LCORL: variants seen among roughly 807,000 people sequenced by gnomAD.
LCORL encodes ligand-dependent nuclear receptor corepressor-like protein.
LCORL carries 41 observed loss-of-function variants against 141.8 expected under a neutral mutation model. That is an observed-to-expected ratio of 0.29 (90% CI 0.23 to 0.38). LCORL has a LOEUF of 0.38. LCORL is among the 10% of genes least tolerant of loss of function. The pLI is 1.00. For synonymous variants in LCORL, 618 were observed against 694.1 expected (o/e 0.89, Z 1.72); for missense variants, 1,759 against 2,035.0 (o/e 0.86, Z 2.61).
chr4:17,906,196 T>C (rs1731586031), intron 5 of LCORL, among the ~76,000 whole-genome samples: 1 of 152,218 alleles, frequency 6.6e-6, no homozygotes, highest in East Asian at 1.9e-4. Flanking sequence ...GGTATGTGCT[T>C]CATTTTTCCT....
In LCORL at chr4:17,907,551, TA is replaced by T. The variant is rs758427146; in HGVS notation, c.682+1542del. ...GGAATATAAGGCATGGAAAAGCAAA[TA>T]AAAAAAATTCTAAAAATCCTCTATT... On this transcript the variant is annotated intron_variant, in intron 5 of 7. Coordinates refer to ENST00000635767, the Ensembl canonical transcript of LCORL. Among the ~76,000 whole-genome samples, 3 of 151,914 alleles carry T rather than the reference TA, an allele frequency of 2.0e-5. No homozygotes were observed. In the East Asian group the frequency reaches 5.8e-4, roughly 29 times the overall value.
intron 1 of LCORL, among the ~76,000 whole-genome samples, chr4:17,989,054 T>C (rs1280173466): frequency 6.6e-6 from 1 of 152,232 alleles, no homozygotes; most frequent in Admixed American, 6.5e-5. Flanking sequence ...GGCCAATTTA[T>C]ATCCAAAACA....
At chr4:17,849,231 A>C (rs535195121) in intron 7 of LCORL, among the ~76,000 whole-genome samples, 1 of 152,312 alleles carries the variant, frequency 6.6e-6, no homozygotes, top group East Asian at 1.9e-4. Flanking sequence ...CTGCCTCCTC[A>C]GGTGGGTCCC....
chr4:17,865,644 T>C (rs1725553170), intron 7 of LCORL, among the ~76,000 whole-genome samples: 1 of 152,254 alleles, frequency 6.6e-6, no homozygotes, highest in South Asian at 2.1e-4. Flanking sequence ...ATTATGTTCA[T>C]ATTAGTAAAT....
intron 5 of LCORL, among the ~76,000 whole-genome samples, chr4:17,901,683 A>T (rs1398479141): frequency 6.6e-6 from 1 of 152,100 alleles, no homozygotes; most frequent in African/African-American, 2.4e-5. Flanking sequence ...AAAACCTTCT[A>T]AGGTAACTAC....
intron 4 of LCORL, chr4:17,911,904 C>A: frequency 2.0e-6 from 1 of 502,052 alleles, no homozygotes; most frequent in Non-Finnish European, 3.8e-6. Flanking sequence ...AGGGAGGCAT[C>A]CAGAACGAGG....
At chr4:17,997,009 A>C (rs566451673) in intron 1 of LCORL, among the ~76,000 whole-genome samples, 1 of 152,278 alleles carries the variant, frequency 6.6e-6, no homozygotes, top group South Asian at 2.1e-4. Context: ...ATAAGAAACA[A>C]CTAACCCATG....
At chr4:18,004,832 T>C (rs745958481) in intron 1 of LCORL, among the ~76,000 whole-genome samples, 1 of 152,006 alleles carries the variant, frequency 6.6e-6, no homozygotes, top group Non-Finnish European at 1.5e-5. Context: ...GTAACAGACA[T>C]TGGGTAAATA....
At chr4:17,883,957 T>C (rs199726342) in intron 6 of LCORL, 11 of 1,550,780 alleles carry the variant, frequency 7.1e-6, no homozygotes, top group East Asian at 2.4e-5. Context: ...CATGATCATA[T>C]TGCCGATAGC....
chr4:17,931,066 T>C (rs1318775396), intron 4 of LCORL, among the ~76,000 whole-genome samples: 2 of 152,202 alleles, frequency 1.3e-5, no homozygotes, highest in African/African-American at 2.4e-5. Context: ...AACTGGATTT[T>C]CCAAAGAAAT....
intron 4 of LCORL, among the ~76,000 whole-genome samples, chr4:17,949,399 C>T (rs1031655375): frequency 3.9e-5 from 6 of 152,058 alleles, no homozygotes; most frequent in Non-Finnish European, 8.8e-5. Context: ...TATTATAATG[C>T]GTCCTTGACT....
chr4:17,884,534 T>C lies in LCORL; in HGVS notation c.776+1534A>G. 1.3e-6 allele frequency: 2 copies of C among 1,536,250 alleles called. No homozygotes were observed. The highest frequency in any genetic ancestry group is 1.8e-6 in the Non-Finnish European group (2 of 1,142,206). ...TTTACTGTCCTTATATGAATAACTATCATGGAAATCTCGAGTTTTGTTTTT... is the reference window on the plus strand; with the variant it reads ...TTTACTGTCCTTATATGAATAACTACCATGGAAATCTCGAGTTTTGTTTTT... On this transcript the variant is annotated intron_variant, in intron 6 of 7. Coordinates refer to ENST00000635767, the Ensembl canonical transcript of LCORL. The surrounding 1 kb of genome is among the most constrained non-coding windows in gnomAD (Gnocchi z 4.4).
Position 17,884,162 on chromosome 4 carries a change from T to C in LCORL, c.776+1906A>G. 1 of 1,550,454 alleles carries C rather than the reference T, an allele frequency of 6.4e-7. No homozygotes were observed. The highest frequency in any genetic ancestry group is 2.4e-5 in the East Asian group (1 of 40,890). On this transcript the variant is annotated intron_variant, in intron 6 of 7. Transcript: ENST00000635767. This position sits in a 1 kb window ranked among gnomAD's most constrained non-coding sequence, Gnocchi z 4.4. ...TATTTTGTTCTGTTTAGGGAGTATATTTTTCAGTTTTTGGAGAGCTGATCC... is the reference window on the plus strand; with the variant it reads ...TATTTTGTTCTGTTTAGGGAGTATACTTTTCAGTTTTTGGAGAGCTGATCC...
At chr4:17,852,920 T>C (rs573371178) in intron 7 of LCORL, among the ~76,000 whole-genome samples, 15 of 152,228 alleles carry the variant, frequency 9.9e-5, no homozygotes, top group African/African-American at 3.6e-4. Flanking sequence ...ATTTCTGTCA[T>C]AGGGACAATA....
At chr4:18,016,289 A>G (rs1405791517) in intron 1 of LCORL, among the ~76,000 whole-genome samples, 1 of 152,212 alleles carries the variant, frequency 6.6e-6, no homozygotes, top group Non-Finnish European at 1.5e-5. Context: ...TTAAGAAACT[A>G]AAGTATAGAC....
chr4:17,936,041 T>C (rs950174706), intron 4 of LCORL, among the ~76,000 whole-genome samples: 1 of 152,160 alleles, frequency 6.6e-6, no homozygotes, highest in African/African-American at 2.4e-5. Context: ...TATTCACCTA[T>C]ACCTTTGGAA....
chr4:17,912,640 T>G (rs953149851), intron 4 of LCORL: 3 of 392,756 alleles, frequency 7.6e-6, no homozygotes, highest in African/African-American at 6.3e-5. Context: ...TGATGAGAAA[T>G]CTGGAGGCCA....
At chr4:17,874,293 T>G (rs1726689535) in exon 7 of LCORL, 1 of 1,233,822 alleles carries the variant, frequency 8.1e-7, no homozygotes, top group South Asian at 4.1e-5. Context: ...CTCTGCTGAT[T>G]TTGAAGGAGA....
intron 5 of LCORL, among the ~76,000 whole-genome samples, chr4:17,895,427 G>A (rs575558776): frequency 2.0e-5 from 3 of 151,978 alleles, no homozygotes; most frequent in African/African-American, 7.3e-5. Flanking sequence ...CTACTGTGCT[G>A]GACTTATTTC....
Sources: allele counts gnomAD v4.1 joint callset (sites outside exome capture counted in the v4.1 genomes callset), GRCh38; gene constraint gnomAD v4.1.1; non-coding constraint Gnocchi (gnomAD v3.1); transcripts MANE v1.5; gene names NCBI Gene and HGNC (gene_info 2026-07-23, HGNC 2026-07-21).